Variants in RC3H1 observed in about 807,000 individuals in gnomAD.
The protein encoded by RC3H1 is ring finger and CCCH-type domains 1.
In RC3H1, 50 loss-of-function variants were observed where a neutral mutation model predicts 138.2. That is an observed-to-expected ratio of 0.36 (90% CI 0.29 to 0.46). The LOEUF is 0.46. Ranked by LOEUF, RC3H1 falls within the 20% of genes least tolerant of loss-of-function variation. RC3H1 has a pLI of 1.00. For synonymous variants in RC3H1, 462 were observed against 489.1 expected (o/e 0.94, Z 0.73); for missense variants, 1,031 against 1,388.1 (o/e 0.74, Z 4.09).
In RC3H1 at chr1:173,973,705, A is replaced by G. The variant is rs114329344; in HGVS notation, c.1103-1078T>C. Among the ~76,000 whole-genome samples the G allele has an allele frequency of 3.0e-3, 453 of 152,320 alleles. 2 individuals are homozygous for G. The highest frequency in any genetic ancestry group is 0.01 in the African/African-American group (427 of 41,570). ...AAAGAAATATGTAAAATGAAACAAG[A>G]AGAGAGATGTAGAGATAACTTCTTG... On this transcript the variant is annotated intron_variant, in intron 7 of 19. Transcript: ENST00000367696.
chr1:173,946,461 T>G lies in RC3H1; in HGVS notation c.2961+15A>C, dbSNP rs182028022. ...CCTTCAAAAATTGGAATAAAATGGC[T>G]CTCTAGGCTGGTACCTCTAGTCCAC... On this transcript the variant is annotated intron_variant, in intron 17 of 19. Transcript: ENST00000367696. 7.1e-5 allele frequency: 114 copies of G among 1,601,576 alleles called. No homozygotes were observed. Among genetic ancestry groups the G allele is most frequent in the Admixed American group, 3.8e-4 (21 of 55,320 alleles).
intron 9 of RC3H1, among the ~76,000 whole-genome samples, chr1:173,966,641 G>C (rs12069129): frequency 6.6e-6 from 1 of 151,652 alleles, no homozygotes; most frequent in Admixed American, 6.6e-5. Flanking sequence ...CTTGAGCCCG[G>C]GAGGCGGAGG....
chr1:174,017,783 CAAAAAAAAAAAAAAAAA>C (rs61239660), intron 1 of RC3H1, among the ~76,000 whole-genome samples: 3 of 72,038 alleles, frequency 4.2e-5, no homozygotes, highest in Non-Finnish European at 7.7e-5. Flanking sequence ...TTTTCTTGCT[CAAAAAAAAAAAAAAAAA>C]AAAAAAAAAA....
At chr1:173,982,605 G>C (rs1571220367) in intron 5 of RC3H1, 122 bp downstream of exon 5, 1 of 807,854 alleles carries the variant, frequency 1.2e-6, no homozygotes, top group East Asian at 2.7e-5. Context: ...AAAGAATAAA[G>C]AAAAATTGCT....
Position 173,941,302 on chromosome 1 carries a change from T to C in RC3H1, c.3214A>G (p.Asn1072Asp). 6.2e-7 allele frequency: 1 copy of C among 1,613,956 alleles called. No individual in the cohort carries two copies. The highest frequency in any genetic ancestry group is 1.1e-5 in the South Asian group (1 of 91,080). ...GTAAGGTCCTCAGCCGGAACCTTGT[T>C]TTGTGGTTCTGGTTGTCCATTTTCT... ...QAENGQPEPQ[N>D]KVPAEDLTLT... is the part of the protein sequence containing the mutation. The change falls in exon 19 of 20, where the codon AAC becomes GAC. Residue 1072 changes from asparagine (N) to aspartate (D), a missense_variant. Physicochemically the swap from Asn to Asp is conservative, Grantham distance 23. Around this residue, in one of 7 missense-constraint regions of RC3H1, gnomAD observed 716 missense variants for 837.9 expected, o/e 0.85. Transcript: ENST00000367696.
At chr1:173,946,337 T>A (rs555471866) in intron 17 of RC3H1, 139 bp downstream of exon 17, 23 of 614,750 alleles carry the variant, frequency 3.7e-5, no homozygotes, top group African/African-American at 3.1e-4. Context: ...AGTATTGAAT[T>A]CTTTGAAGAA....
At chr1:173,943,020 C>T (rs1658972604) in intron 18 of RC3H1, among the ~76,000 whole-genome samples, 1 of 152,124 alleles carries the variant, frequency 6.6e-6, no homozygotes. Context: ...GATTGCATAT[C>T]ACTCATAGCA....
At chr1:173,996,807 G>A (rs1380326078) in intron 1 of RC3H1, among the ~76,000 whole-genome samples, 1 of 152,028 alleles carries the variant, frequency 6.6e-6, no homozygotes, top group African/African-American at 2.4e-5. Context: ...CACTGCTTTG[G>A]AGAATACTCC....
chr1:174,021,792 T>C (rs950185149), intron 1 of RC3H1, among the ~76,000 whole-genome samples: 9 of 152,132 alleles, frequency 5.9e-5, no homozygotes, highest in Non-Finnish European at 1.2e-4. Flanking sequence ...AGGAGCCAGG[T>C]AGCCCTTTCG....
chr1:173,945,851 G>A (rs544442514), intron 17 of RC3H1, among the ~76,000 whole-genome samples: 2 of 152,054 alleles, frequency 1.3e-5, no homozygotes, highest in East Asian at 2.0e-4. Flanking sequence ...GGGATTACAG[G>A]TGCACACCAC....
chr1:173,964,925 T>G lies in RC3H1; in HGVS notation c.1530A>C (p.Arg510=), dbSNP rs1362580577. Residue 510 remains arginine, a synonymous_variant, in exon 10 of 20, where the codon CGA becomes CGC. Transcript: ENST00000367696. ...TAGAATCATAGCTGGGGTCTGTCCC[T>G]CGCGGAATAAGCTGTGTTACTGTAT... ...TGNTVTQLIP[R]GTDPSYDSSL... is the part of the protein sequence containing the mutation. The G allele has an allele frequency of 1.2e-6, 2 of 1,614,042 alleles. No homozygotes were observed. Among genetic ancestry groups the G allele is most frequent in the Non-Finnish European group, 1.7e-6 (2 of 1,180,028 alleles).
At chr1:173,946,918 G>GT in intron 15 of RC3H1, 82 bp from the exon 16 acceptor site, 1 of 924,300 alleles carries the variant, frequency 1.1e-6, no homozygotes, top group Non-Finnish European at 1.8e-6. Flanking sequence ...AGACATCAGC[G>GT]TATTGCATAC....
intron 6 of RC3H1, among the ~76,000 whole-genome samples, chr1:173,979,432 T>C (rs556889567): frequency 2.0e-4 from 31 of 152,252 alleles, no homozygotes; most frequent in Admixed American, 5.2e-4. Flanking sequence ...CAGATGACGA[T>C]GTCAGGAGTT....
chr1:173,961,686 T>C (rs754652448), intron 12 of RC3H1, 39 bp downstream of exon 12: 3 of 1,552,612 alleles, frequency 1.9e-6, no homozygotes, highest in East Asian at 2.3e-5. Flanking sequence ...CAAGCAACAG[T>C]CAAATTAAGT....
Position 174,022,028 on chromosome 1 carries a change from ATTG to A in RC3H1, c.-151+65_-151+67del. 2.6e-6 allele frequency: 1 copy of A among 390,922 alleles called. No individual in the cohort carries two copies. Among genetic ancestry groups the A allele is most frequent in the East Asian group, 3.7e-5 (1 of 27,374 alleles). 24.2% of individuals were successfully genotyped at this position (390,922 alleles called of 1,614,324 possible). On this transcript the variant is annotated intron_variant, in intron 1 of 19. Coordinates refer to ENST00000367696, the MANE Select transcript of RC3H1 (RefSeq NM_172071.4). This position sits in a 1 kb window ranked among gnomAD's most constrained non-coding sequence, Gnocchi z 4.2. ...AAACCCTTCCCGACCACAGCTGCCT[ATTG>A]TTCCCGACTGAGGCCCCGGCCGCGG...
intron 13 of RC3H1, among the ~76,000 whole-genome samples, chr1:173,955,225 CAAA>C (rs560354496): frequency 3.1e-4 from 19 of 60,782 alleles, no homozygotes; most frequent in African/African-American, 9.6e-4. Flanking sequence ...AACTCTGTCA[CAAA>C]AAAAAAAAAA....
At chr1:173,950,496 G>C (rs900947609) in intron 14 of RC3H1, among the ~76,000 whole-genome samples, 2 of 151,356 alleles carry the variant, frequency 1.3e-5, no homozygotes, top group Non-Finnish European at 2.9e-5. Flanking sequence ...GGGTGAGGTG[G>C]GAGGATCACT....
intron 1 of RC3H1, among the ~76,000 whole-genome samples, chr1:174,016,422 C>CT (rs1189625122): frequency 0.12 from 14,185 of 118,232 alleles, 2,825 homozygotes; most frequent in African/African-American, 0.42. Context: ...TTTAAGTTTC[C>CT]TTTTTTTTTT....
chr1:173,952,402 T>TAAAAAAAA (rs35197109), intron 13 of RC3H1, among the ~76,000 whole-genome samples: 1 of 47,206 alleles, frequency 2.1e-5, no homozygotes, highest in Non-Finnish European at 4.2e-5. Context: ...TAGCAGAAGG[T>TAAAAAAAA]AAAAAAAAAA....
Sources: allele counts gnomAD v4.1 joint callset (sites outside exome capture counted in the v4.1 genomes callset), GRCh38; gene constraint gnomAD v4.1.1; regional missense constraint gnomAD v4.1.1; non-coding constraint Gnocchi (gnomAD v3.1); transcripts MANE v1.5; gene names NCBI Gene and HGNC (gene_info 2026-07-23, HGNC 2026-07-21).